The following ACVR1B variants were observed in gnomAD, a reference collection of about 807,000 sequenced individuals.
ACVR1B encodes activin A receptor type 1B.
A neutral mutation model predicts 55.6 loss-of-function variants in ACVR1B; 15 were observed. The observed-to-expected ratio is 0.27, with a 90% CI of 0.18 to 0.42. ACVR1B has a LOEUF of 0.42. ACVR1B is among the 10% of genes least tolerant of loss of function. ACVR1B has a pLI of 1.00. For synonymous variants in ACVR1B, 247 were observed against 254.6 expected (o/e 0.97, Z 0.28); for missense variants, 359 against 670.1 (o/e 0.54, Z 5.13).
intron 1 of ACVR1B, among the ~76,000 whole-genome samples, chr12:51,952,473 CCCCTCCG>C (rs1284350965): frequency 1.3e-5 from 2 of 152,204 alleles, no homozygotes; most frequent in African/African-American, 4.8e-5. Context: ...GGGGCAATCC[CCCCTCCG>C]CCCTCCGGCA....
chr12:51,975,066 A>G (rs531250095), intron 1 of ACVR1B, among the ~76,000 whole-genome samples, 199 bp from the exon 2 acceptor site: 23 of 152,242 alleles, frequency 1.5e-4, no homozygotes, highest in Non-Finnish European at 2.9e-4. Context: ...AGAGGATAAT[A>G]GTGGAGCTTC....
At chr12:51,953,110 T>G (rs955972977) in intron 1 of ACVR1B, among the ~76,000 whole-genome samples, 1 of 152,164 alleles carries the variant, frequency 6.6e-6, no homozygotes, top group East Asian at 1.9e-4. Context: ...TGATCAGGAT[T>G]GTATTCGCTC....
At chr12:51,985,155 A>G (rs769910040) in intron 5 of ACVR1B, 37 bp from the exon 6 acceptor site, 1 of 1,578,912 alleles carries the variant, frequency 6.3e-7, no homozygotes, top group Non-Finnish European at 8.6e-7. Flanking sequence ...CATTTATATC[A>G]TCTCTTTGTA....
Position 51,994,251 on chromosome 12 carries a change from C to G in ACVR1B, c.*141C>G. The G allele has an allele frequency of 1.6e-6, 2 of 1,225,700 alleles. No individual in the cohort carries two copies. Among genetic ancestry groups the G allele is most frequent in the African/African-American group, 1.5e-5 (1 of 65,828 alleles). 75.9% of individuals were successfully genotyped at this position (1,225,700 alleles called of 1,614,324 possible). On this transcript the variant is annotated 3_prime_UTR_variant, in exon 9 of 9. Coordinates refer to ENST00000257963, the MANE Select transcript of ACVR1B (RefSeq NM_004302.5). This position sits in a 1 kb window ranked among gnomAD's most constrained non-coding sequence, Gnocchi z 4.2. ...CCTGGCCCGCAAGAGGGACAGAGCC[C>G]GGGAGAGACTCGCTCACTCCCATGT...
At chr12:51,970,253 A>G (rs1941721604) in intron 1 of ACVR1B, among the ~76,000 whole-genome samples, 1 of 152,156 alleles carries the variant, frequency 6.6e-6, no homozygotes, top group Non-Finnish European at 1.5e-5. Flanking sequence ...AGAGCGTGGT[A>G]GAATGCTGTG....
intron 1 of ACVR1B, among the ~76,000 whole-genome samples, chr12:51,952,495 T>A (rs913702783): frequency 2.6e-5 from 4 of 152,182 alleles, no homozygotes; most frequent in Admixed American, 6.5e-5. Context: ...CCGGCACTCA[T>A]GCCCCGTGGA....
chr12:51,964,380 A>G (rs558526344), intron 1 of ACVR1B, among the ~76,000 whole-genome samples: 57 of 152,308 alleles, frequency 3.7e-4, no homozygotes, highest in African/African-American at 1.3e-3. Context: ...GACCATTTTC[A>G]GATGTATGAT....
chr12:51,953,437 G>T lies in ACVR1B; in HGVS notation c.91+1603G>T, dbSNP rs545925219. 38 of 985,466 alleles carry T rather than the reference G, an allele frequency of 3.9e-5. No homozygotes were observed. In the African/African-American group the frequency reaches 5.8e-4, roughly 15 times the overall value. 61.0% of individuals were successfully genotyped at this position (985,466 alleles called of 1,614,324 possible). On this transcript the variant is annotated intron_variant, in intron 1 of 8. Coordinates refer to ENST00000257963, the MANE Select transcript of ACVR1B (RefSeq NM_004302.5). ...TCGGCCTCACTGCTCTGTGGCTTAG[G>T]TATCTGTGCTGTGGGGTTTGAGAAA...
intron 1 of ACVR1B, among the ~76,000 whole-genome samples, chr12:51,957,682 G>T (rs890271665): frequency 6.6e-6 from 1 of 152,106 alleles, no homozygotes; most frequent in African/African-American, 2.4e-5. Flanking sequence ...TGGGATTACA[G>T]GCCTGAGCTA....
intron 1 of ACVR1B, among the ~76,000 whole-genome samples, chr12:51,958,211 GT>G (rs1941448803): frequency 6.6e-6 from 1 of 152,204 alleles, no homozygotes; most frequent in Admixed American, 6.5e-5. Flanking sequence ...AATACATGTA[GT>G]TAGAAGTCCC....
In ACVR1B at chr12:51,986,900, G is replaced by A. The variant is rs1942089855; in HGVS notation, c.1219G>A (p.Gly407Arg). The stretch of plus-strand genomic sequence containing the variant: ...TAAATGTGCTGATATTTATGCCCTC[G>A]GGCTTGTATATTGGGAGATTGCTCG... ...SFKCADIYAL[G>R]LVYWEIARRC... is the part of the protein sequence containing the mutation. The change falls in exon 7 of 9, where the codon GGG (glycine) becomes AGG (arginine). Residue 407 changes from glycine to arginine, a missense_variant. Coordinates refer to ENST00000257963, the MANE Select transcript of ACVR1B (RefSeq NM_004302.5). The A allele has an allele frequency of 6.2e-7, 1 of 1,614,164 alleles. No individual in the cohort carries two copies. Among genetic ancestry groups the A allele is most frequent in the Non-Finnish European group, 8.5e-7 (1 of 1,180,032 alleles).
chr12:51,981,269 C>A, intron 4 of ACVR1B, 70 bp downstream of exon 4: 2 of 1,342,388 alleles, frequency 1.5e-6, no homozygotes, highest in Non-Finnish European at 2.1e-6. Flanking sequence ...CTATGGGGTG[C>A]ACAGCTCTGT....
intron 1 of ACVR1B, among the ~76,000 whole-genome samples, chr12:51,964,908 T>G (rs1027460958): frequency 2.0e-5 from 3 of 152,166 alleles, no homozygotes; most frequent in African/African-American, 7.2e-5. Flanking sequence ...ACTTTATTTT[T>G]TTTTTCTCCC....
chr12:51,974,121 T>G (rs957429836), intron 1 of ACVR1B, among the ~76,000 whole-genome samples: 12 of 152,106 alleles, frequency 7.9e-5, no homozygotes, highest in Non-Finnish European at 1.6e-4. Context: ...ATCCAGATAG[T>G]ATTTACTTAG....
rs1555161036 is a variant in ACVR1B at position 51,978,699 on chromosome 12, C to CA, written c.580+2124_580+2125insA. Among the ~76,000 whole-genome samples the CA allele has an allele frequency of 5.3e-5, 8 of 151,736 alleles. 1 individual carries two copies. Among genetic ancestry groups the CA allele is most frequent in the African/African-American group, 1.5e-4 (6 of 41,256 alleles). On this transcript the variant is annotated intron_variant, in intron 3 of 8. Coordinates refer to ENST00000257963, the MANE Select transcript of ACVR1B (RefSeq NM_004302.5). ...ACAAAAAATTAGCCGGGCGTGGTGG[C>CA]GGCGCCTGTAGTCCCAGGTACTCAA...
rs1283669629 is a variant in ACVR1B at position 51,996,442 on chromosome 12, C to T, written c.*2332C>T. On this transcript the variant is annotated 3_prime_UTR_variant, in exon 9 of 9. Transcript: ENST00000257963. ...CTAACCTTTGGGCCAATTTACTGGC[C>T]ACTAATTTCGTTTAAATACCATTGT... 1.3e-5 allele frequency: 2 copies of T among 152,610 alleles called. No individual in the cohort carries two copies. Among genetic ancestry groups the T allele is most frequent in the East Asian group, 3.9e-4 (2 of 5,194 alleles). 9.5% of individuals were successfully genotyped at this position (152,610 alleles called of 1,614,324 possible).
At chr12:51,992,128 T>A (rs1942204416) in intron 8 of ACVR1B, 135 bp downstream of exon 8, 1 of 1,187,174 alleles carries the variant, frequency 8.4e-7, no homozygotes, top group African/African-American at 1.5e-5. Flanking sequence ...ACGTGCTATT[T>A]TACATATCCC....
chr12:51,955,206 A>G (rs964133314), intron 1 of ACVR1B, among the ~76,000 whole-genome samples: 1 of 152,248 alleles, frequency 6.6e-6, no homozygotes, highest in Non-Finnish European at 1.5e-5. Flanking sequence ...CAGGAAGGTT[A>G]GACTGAGGAC....
At chr12:51,963,953 A>G (rs574258560) in intron 1 of ACVR1B, among the ~76,000 whole-genome samples, 11 of 152,272 alleles carry the variant, frequency 7.2e-5, no homozygotes, top group Non-Finnish European at 1.0e-4. Flanking sequence ...ACACTTATTA[A>G]ATTTCTTTTT....
Sources: allele counts gnomAD v4.1 joint callset (sites outside exome capture counted in the v4.1 genomes callset), GRCh38; gene constraint gnomAD v4.1.1; non-coding constraint Gnocchi (gnomAD v3.1); transcripts MANE v1.5; gene names NCBI Gene and HGNC (gene_info 2026-07-23, HGNC 2026-07-21).